The following KLHL1 variants were observed in gnomAD, a reference collection of about 807,000 sequenced individuals.
KLHL1 encodes kelch-like protein 1.
A neutral mutation model predicts 77.7 loss-of-function variants in KLHL1; 47 were observed. The observed-to-expected ratio is 0.60, with a 90% CI of 0.48 to 0.77. The LOEUF is 0.77. Ranked by LOEUF, KLHL1 falls within the 30% of genes least tolerant of loss-of-function variation. The pLI is 0.00. For synonymous variants in KLHL1, 360 were observed against 325.2 expected, an observed-to-expected ratio of 1.11 and a Z score of -1.15; for missense variants, 925 against 910.8, an observed-to-expected ratio of 1.02 and a Z score of -0.20.
At position 70,082,311 on chromosome 13, in the gene KLHL1, T is replaced by TCACACA. The variant is rs4053611; in HGVS notation, c.497+24886_497+24891dup. Among the ~76,000 whole-genome samples the TCACACA allele has an allele frequency of 2.8e-3, 306 of 111,018 alleles. 5 individuals carry two copies. The highest frequency in any genetic ancestry group is 5.2e-3 in the East Asian group (19 of 3,674). The allele number at this position is 111,018 out of a possible 152,430, so 72.8% of individuals were successfully genotyped here. A position where few individuals can be genotyped will look rare whatever the true frequency, so the allele number is the denominator to read the frequency against. On this transcript the variant is annotated intron_variant, in intron 1 of 10. Coordinates refer to ENST00000377844, the MANE Select transcript of KLHL1 (RefSeq NM_020866.3). The stretch of plus-strand genomic sequence containing the variant: ...CAGGAGCCCTTCCTCCTTGGACCTG[T>TCACACA]CACACACACACACACACACACACAC...
intron 1 of KLHL1, among the ~76,000 whole-genome samples, chr13:69,980,779 T>C (rs932725171): frequency 1.3e-5 from 2 of 152,174 alleles, no homozygotes; most frequent in African/African-American, 4.8e-5. Flanking sequence ...TCCTTACTGC[T>C]TGTGGGGTGG....
rs557837210 is a variant in KLHL1, at chr13:69,811,011, G to C, written c.1415-14049C>G. Among the ~76,000 whole-genome samples, 13 of 150,794 alleles carry C rather than the reference G, an allele frequency of 8.6e-5. No individual in the cohort carries two copies. The South Asian group carries it at 2.7e-3, about 31-fold the overall frequency. On this transcript the variant is annotated intron_variant, in intron 6 of 10. Coordinates refer to ENST00000377844, the MANE Select transcript of KLHL1 (RefSeq NM_020866.3). The stretch of plus-strand genomic sequence containing the variant: ...ATCAAATAAAAAAAGCCCTATACCA[G>C]ATGGATTCACAGCAGAATTCTATCA...
chr13:69,952,378 A>G (rs1883736714), intron 3 of KLHL1, among the ~76,000 whole-genome samples: 1 of 151,326 alleles, frequency 6.6e-6, no homozygotes, highest in East Asian at 1.9e-4. Flanking sequence ...TGTAAGACTG[A>G]ATCCCATTAC....
At chr13:69,914,387 T>C (rs1191071393) in intron 4 of KLHL1, among the ~76,000 whole-genome samples, 1 of 152,124 alleles carries the variant, frequency 6.6e-6, no homozygotes, top group Non-Finnish European at 1.5e-5. Context: ...GATCCATTTG[T>C]CTCCATGGAA....
At chr13:69,950,395 T>G (rs1883669668) in intron 3 of KLHL1, among the ~76,000 whole-genome samples, 1 of 151,616 alleles carries the variant, frequency 6.6e-6, no homozygotes, top group African/African-American at 2.4e-5. Context: ...TGCACAGGTG[T>G]TAAGCTCCCT....
intron 1 of KLHL1, among the ~76,000 whole-genome samples, chr13:70,025,143 A>T (rs944530288): frequency 6.6e-6 from 1 of 152,030 alleles, no homozygotes; most frequent in African/African-American, 2.4e-5. Context: ...TGAAGCTGCC[A>T]CTCATTTAAA....
chr13:69,967,727 A>G (rs1884256484), intron 2 of KLHL1, among the ~76,000 whole-genome samples: 1 of 152,140 alleles, frequency 6.6e-6, no homozygotes, highest in South Asian at 2.1e-4. Context: ...TCTACTAAAA[A>G]TACAAAAATT....
chr13:69,844,096 T>C (rs1879366006), intron 5 of KLHL1, among the ~76,000 whole-genome samples: 1 of 151,474 alleles, frequency 6.6e-6, no homozygotes, highest in African/African-American at 2.4e-5. Flanking sequence ...ATAAATTCTA[T>C]AAAAATAAAG....
chr13:70,090,337 C>T (rs1190663007), intron 1 of KLHL1, among the ~76,000 whole-genome samples: 1 of 151,950 alleles, frequency 6.6e-6, no homozygotes, highest in Non-Finnish European at 1.5e-5. Context: ...CATAGAAGTA[C>T]TGAGTTTGAG....
intron 1 of KLHL1, among the ~76,000 whole-genome samples, chr13:70,025,928 C>A (rs148295415): frequency 5.9e-5 from 9 of 151,966 alleles, no homozygotes; most frequent in Non-Finnish European, 7.4e-5. Context: ...AGCAGCAATC[C>A]CCAAAGCATT....
intron 1 of KLHL1, among the ~76,000 whole-genome samples, chr13:70,092,646 A>G (rs1460603065): frequency 6.6e-6 from 1 of 152,172 alleles, no homozygotes; most frequent in African/African-American, 2.4e-5. Flanking sequence ...AAAACTTTAC[A>G]TTCATACCTG....
chr13:69,939,342 T>TAC (rs1170218927), intron 4 of KLHL1, among the ~76,000 whole-genome samples: 470 of 29,220 alleles, frequency 0.016, 6 homozygotes, highest in African/African-American at 0.06. Context: ...TATACATACA[T>TAC]ATATATATAT....
chr13:69,771,276 CA>C (rs59252203), intron 7 of KLHL1, among the ~76,000 whole-genome samples: 17,894 of 127,958 alleles, frequency 0.14, 1,235 homozygotes, highest in African/African-American at 0.22. Context: ...TAGCAACTTT[CA>C]AAAAAAAAAA....
At chr13:69,733,882 A>T (rs1483808308) in intron 8 of KLHL1, among the ~76,000 whole-genome samples, 3 of 152,208 alleles carry the variant, frequency 2.0e-5, no homozygotes, top group Non-Finnish European at 4.4e-5. Context: ...TCACCAAAAG[A>T]TATACATAAG....
intron 6 of KLHL1, among the ~76,000 whole-genome samples, chr13:69,820,625 T>G (rs1033930991): frequency 4.6e-5 from 7 of 152,238 alleles, no homozygotes; most frequent in Non-Finnish European, 1.0e-4. Flanking sequence ...TCATACCAAG[T>G]TAGTTGAGAA....
At chr13:70,064,167 G>C (rs1364171882) in intron 1 of KLHL1, among the ~76,000 whole-genome samples, 1 of 152,034 alleles carries the variant, frequency 6.6e-6, no homozygotes, top group African/African-American at 2.4e-5. Flanking sequence ...AAAGCAACAA[G>C]TATTTATTTT....
intron 1 of KLHL1, among the ~76,000 whole-genome samples, chr13:70,071,730 T>A (rs762626653): frequency 6.6e-6 from 1 of 152,028 alleles, no homozygotes; most frequent in Non-Finnish European, 1.5e-5. Flanking sequence ...CTAACTAACA[T>A]ATAGATCAAT....
At chr13:69,751,787 G>A (rs906059754) in intron 7 of KLHL1, among the ~76,000 whole-genome samples, 1 of 152,112 alleles carries the variant, frequency 6.6e-6, no homozygotes, top group Non-Finnish European at 1.5e-5. Context: ...CTATGGTGTG[G>A]AAAAATGAGA....
intron 1 of KLHL1, among the ~76,000 whole-genome samples, chr13:70,053,915 C>T (rs1024646989): frequency 1.3e-5 from 2 of 152,116 alleles, no homozygotes; most frequent in Non-Finnish European, 2.9e-5. Flanking sequence ...TTTCTTGCTG[C>T]TACCATAGTC....
Sources: gnomAD v4.1 joint callset for allele counts (sites outside exome capture counted in the v4.1 genomes callset) on GRCh38, gnomAD v4.1.1 for gene constraint, MANE v1.5 for transcripts, NCBI Gene and HGNC (gene_info 2026-07-23, HGNC 2026-07-21) for gene names.